SAMD4A: variants seen among roughly 807,000 people sequenced by gnomAD.
The protein encoded by SAMD4A is sterile alpha motif domain containing 4A.
SAMD4A carries 33 observed loss-of-function variants against 81.3 expected under a neutral mutation model. The ratio of observed to expected loss-of-function variants is 0.41; its 90% confidence interval spans 0.31 to 0.54. SAMD4A has a LOEUF of 0.54. Among genes scored for constraint, SAMD4A ranks in the 20% least tolerant of loss-of-function variants. The probability of loss-of-function intolerance (pLI) is 0.37; values close to 1 mark genes in which losing one functional copy is unlikely to be tolerated. For synonymous variants in SAMD4A, 389 were observed against 382.1 expected, an observed-to-expected ratio of 1.02 and a Z score of -0.21; for missense variants, 854 against 951.1, an observed-to-expected ratio of 0.90 and a Z score of 1.34.
At chr14:54,602,976 T>C (rs1018881037) in intron 2 of SAMD4A, among the ~76,000 whole-genome samples, 7 of 152,190 alleles carry the variant, frequency 4.6e-5, no homozygotes, top group Admixed American at 2.6e-4. Flanking sequence ...AATCCCAGCC[T>C]ACCTTTTAAC....
intron 3 of SAMD4A, among the ~76,000 whole-genome samples, chr14:54,717,979 T>G (rs2037164139): frequency 6.6e-6 from 1 of 151,746 alleles, no homozygotes; most frequent in South Asian, 2.1e-4. Context: ...CTGTTGGTGA[T>G]TCTCTCTTTT....
chr14:54,732,722 T>A (rs1186024317), intron 3 of SAMD4A, among the ~76,000 whole-genome samples: 1 of 152,168 alleles, frequency 6.6e-6, no homozygotes, highest in Non-Finnish European at 1.5e-5. Context: ...GGATCACTTT[T>A]CTCCTTGACA....
rs2035498799 is a variant in SAMD4A, at chr14:54,655,503, A to G, written c.197-46559A>G. On this transcript the variant is annotated intron_variant, in intron 2 of 12. Transcript: ENST00000554335. ...TCCCAGCACTTTGGGAGGCTGAGGCAGGCGGATCACCTGAGGTCGGGAGTT... is the reference window on the plus strand; with the variant it reads ...TCCCAGCACTTTGGGAGGCTGAGGCGGGCGGATCACCTGAGGTCGGGAGTT... 2.0e-5 allele frequency among the ~76,000 whole-genome samples: 3 copies of G among 152,254 alleles called. No homozygotes were observed. The South Asian group carries it at 6.2e-4, about 32-fold the overall frequency.
intron 2 of SAMD4A, among the ~76,000 whole-genome samples, chr14:54,666,045 TG>T: frequency 6.6e-6 from 1 of 152,302 alleles, no homozygotes; most frequent in East Asian, 1.9e-4. Flanking sequence ...AGAGACTTTT[TG>T]GTTCTTAGAT....
At chr14:54,752,513 G>A (rs1271767279) in intron 6 of SAMD4A, among the ~76,000 whole-genome samples, 2 of 152,200 alleles carry the variant, frequency 1.3e-5, no homozygotes, top group African/African-American at 4.8e-5. Flanking sequence ...GGGAGGTAGC[G>A]CTAAAGCAAG....
At chr14:54,770,080 T>G in intron 8 of SAMD4A, 24 bp from the exon 9 acceptor site, 1 of 1,504,436 alleles carries the variant, frequency 6.6e-7, no homozygotes. Context: ...GTCACCCATT[T>G]AAAAGTCCTG....
At chr14:54,602,777 C>T (rs1472915921) in intron 2 of SAMD4A, among the ~76,000 whole-genome samples, 1 of 146,942 alleles carries the variant, frequency 6.8e-6, no homozygotes. Context: ...GCACATGTAC[C>T]CTAGAACTTA....
intron 2 of SAMD4A, among the ~76,000 whole-genome samples, chr14:54,598,914 A>G (rs967144984): frequency 3.3e-5 from 5 of 151,652 alleles, no homozygotes; most frequent in African/African-American, 1.2e-4. Context: ...TCAGTCTACC[A>G]GGTTCAAGTG....
chr14:54,729,086 G>A (rs1419409785), intron 3 of SAMD4A, among the ~76,000 whole-genome samples: 2 of 152,168 alleles, frequency 1.3e-5, no homozygotes. Flanking sequence ...GCAACAAGGT[G>A]TAAAAGGACA....
chr14:54,694,911 T>G lies in SAMD4A; in HGVS notation c.197-7151T>G, dbSNP rs146271444. On this transcript the variant is annotated intron_variant, in intron 2 of 12. Coordinates refer to ENST00000554335, the MANE Select transcript of SAMD4A (RefSeq NM_015589.6). Reference sequence around the variant, plus strand: ...AGTCTCCATGGAAGAAATGACCAGATCTCTACTCTGGAAAGGTAAAGGGCT... The same window carrying G: ...AGTCTCCATGGAAGAAATGACCAGAGCTCTACTCTGGAAAGGTAAAGGGCT... The G allele has an allele frequency of 8.0e-4, 793 of 985,410 alleles. 1 individual carries two copies. Among genetic ancestry groups the G allele is most frequent in the Non-Finnish European group, 8.9e-4 (740 of 829,964 alleles). The allele number at this position is 985,410 out of a possible 1,614,324, so 61.0% of individuals were successfully genotyped here. A position where few individuals can be genotyped will look rare whatever the true frequency, so the allele number is the denominator to read the frequency against.
At chr14:54,693,886 A>AT (rs1211442044) in intron 2 of SAMD4A, 2 of 152,278 alleles carry the variant, frequency 1.3e-5, no homozygotes, top group Admixed American at 6.5e-5. Context: ...GGGGTGGGCA[A>AT]TTTAAAATAG....
chr14:54,773,161 C>A (rs909517811), intron 9 of SAMD4A, among the ~76,000 whole-genome samples: 3 of 152,178 alleles, frequency 2.0e-5, no homozygotes, highest in African/African-American at 7.2e-5. Flanking sequence ...CTCCTTCCTG[C>A]CACTTCTCCC....
intron 2 of SAMD4A, among the ~76,000 whole-genome samples, chr14:54,606,955 G>A (rs1203254514): frequency 6.6e-6 from 1 of 152,238 alleles, no homozygotes; most frequent in Non-Finnish European, 1.5e-5. Flanking sequence ...GGAGTTTGGA[G>A]AGCAGGGTGC....
intron 2 of SAMD4A, among the ~76,000 whole-genome samples, chr14:54,574,827 G>A (rs1003549452): frequency 1.1e-4 from 17 of 152,300 alleles, no homozygotes; most frequent in Middle Eastern, 3.4e-3. Flanking sequence ...TTAGTTGCAC[G>A]CAGATCACTT....
chr14:54,605,896 A>G (rs1381659280), intron 2 of SAMD4A, among the ~76,000 whole-genome samples: 1 of 152,040 alleles, frequency 6.6e-6, no homozygotes, highest in Non-Finnish European at 1.5e-5. Context: ...ATTTTGAGGA[A>G]CTCATATATT....
At chr14:54,568,395 A>G (rs1186004059) in intron 2 of SAMD4A, among the ~76,000 whole-genome samples, 1 of 151,416 alleles carries the variant, frequency 6.6e-6, no homozygotes, top group Admixed American at 6.6e-5. Flanking sequence ...TTTTTCTCTC[A>G]TGCAGTTTCC....
In SAMD4A at chr14:54,604,123, C is replaced by G. The variant is rs763936474; in HGVS notation, c.196+36011C>G. ...CAGGCGTGAGCCACCATGCTTGGCC[C>G]CATTATTTTATTGTATCCTTAATTC... is the stretch of plus-strand genomic sequence containing the variant. On this transcript the variant is annotated intron_variant, in intron 2 of 12. Transcript: ENST00000554335. 8.5e-5 allele frequency among the ~76,000 whole-genome samples: 13 copies of G among 152,068 alleles called. 1 individual carries two copies. The highest frequency in any genetic ancestry group is 4.6e-4 in the Admixed American group (7 of 15,248).
At chr14:54,736,118 A>G (rs556416040) in intron 3 of SAMD4A, among the ~76,000 whole-genome samples, 34 of 152,288 alleles carry the variant, frequency 2.2e-4, no homozygotes, top group African/African-American at 7.2e-4. Context: ...CGGCTCCTTC[A>G]GTGTTGGTTT....
chr14:54,602,364 A>G (rs995678836), intron 2 of SAMD4A, among the ~76,000 whole-genome samples: 30 of 136,154 alleles, frequency 2.2e-4, no homozygotes, highest in Non-Finnish European at 3.9e-4. Flanking sequence ...ACACACACAC[A>G]CACACACACA....
Sources: gnomAD v4.1 joint callset for allele counts (sites outside exome capture counted in the v4.1 genomes callset) on GRCh38, gnomAD v4.1.1 for gene constraint, MANE v1.5 for transcripts, NCBI Gene and HGNC (gene_info 2026-07-23, HGNC 2026-07-21) for gene names.